The following BANK1 variants were observed in gnomAD, a reference collection of about 807,000 sequenced individuals.
The protein encoded by BANK1 is B cell scaffold protein with ankyrin repeats 1, also known as B-cell scaffold protein with ankyrin repeats.
BANK1 carries 95 observed loss-of-function variants against 94.5 expected under a neutral mutation model. The ratio of observed to expected loss-of-function variants is 1.00; its 90% CI spans 0.85 to 1.19. The LOEUF (loss-of-function observed/expected upper bound fraction) is 1.19, where lower values mean the gene tolerates loss of function less well. BANK1 is among the 50% of genes most tolerant of loss of function. The pLI is 0.00. For missense variants in BANK1, 987 were observed against 932.2 expected (o/e 1.06, Z -0.77); for synonymous variants, 334 against 308.4 (o/e 1.08, Z -0.87).
intron 7 of BANK1, among the ~76,000 whole-genome samples, chr4:101,977,966 TG>T (rs1390038709): frequency 2.0e-5 from 3 of 151,970 alleles, no homozygotes; most frequent in African/African-American, 4.8e-5. Flanking sequence ...TTTGTTTGTT[TG>T]TTTGTTTGTT....
intron 7 of BANK1, among the ~76,000 whole-genome samples, chr4:101,935,884 C>T (rs1303782878): frequency 6.6e-6 from 1 of 151,402 alleles, no homozygotes; most frequent in East Asian, 2.0e-4. Context: ...AAACTAGAAC[C>T]CTGTCTCTCA....
At chr4:102,066,360 T>C (rs372379645) in intron 13 of BANK1, among the ~76,000 whole-genome samples, 57 of 151,322 alleles carry the variant, frequency 3.8e-4, no homozygotes, top group African/African-American at 1.3e-3. Flanking sequence ...GGGATCACGC[T>C]ATTCTCCTGC....
chr4:101,940,555 T>G (rs769297392), intron 7 of BANK1, among the ~76,000 whole-genome samples: 4 of 151,792 alleles, frequency 2.6e-5, no homozygotes, highest in African/African-American at 4.8e-5. Context: ...TTTGTCATTA[T>G]CTCTTTACAC....
intron 13 of BANK1, among the ~76,000 whole-genome samples, chr4:102,070,860 G>A (rs1452753541): frequency 6.6e-6 from 1 of 152,120 alleles, no homozygotes; most frequent in East Asian, 1.9e-4. Context: ...TAATTAAGTT[G>A]GTGGGTACAT....
intron 1 of BANK1, among the ~76,000 whole-genome samples, chr4:101,796,800 A>G (rs1193039331): frequency 2.6e-5 from 4 of 152,142 alleles, no homozygotes; most frequent in Admixed American, 2.0e-4. Context: ...CAAGTTTTTA[A>G]TATACATTTC....
intron 1 of BANK1, among the ~76,000 whole-genome samples, chr4:101,804,527 A>G (rs1250043977): frequency 2.0e-5 from 3 of 152,150 alleles, no homozygotes; most frequent in Non-Finnish European, 4.4e-5. Flanking sequence ...AAGAAGAGAA[A>G]AGTCATGACA....
chr4:101,852,667 C>A (rs989721886), intron 2 of BANK1, among the ~76,000 whole-genome samples: 1 of 151,120 alleles, frequency 6.6e-6, no homozygotes, highest in African/African-American at 2.4e-5. Context: ...CTTCTTGCTG[C>A]CTGTTAAATA....
intron 4 of BANK1, among the ~76,000 whole-genome samples, chr4:101,868,122 G>A (rs564760304): frequency 1.3e-5 from 2 of 152,056 alleles, no homozygotes; most frequent in Admixed American, 1.3e-4. Context: ...TGAAAGGGTT[G>A]GAGCAAGGTA....
chr4:101,949,768 C>A (rs1560648264), intron 7 of BANK1, among the ~76,000 whole-genome samples: 1 of 152,058 alleles, frequency 6.6e-6, no homozygotes, highest in East Asian at 1.9e-4. Flanking sequence ...GATAAACGTA[C>A]AGGAAAATGT....
chr4:102,038,292 C>T (rs1230035499), intron 10 of BANK1, among the ~76,000 whole-genome samples: 1 of 152,134 alleles, frequency 6.6e-6, no homozygotes, highest in Admixed American at 6.5e-5. Context: ...AGGCAAGTTA[C>T]TTTTGATAAT....
chr4:101,832,283 T>A (rs1407734926), intron 2 of BANK1, among the ~76,000 whole-genome samples: 1 of 152,244 alleles, frequency 6.6e-6, no homozygotes, highest in Non-Finnish European at 1.5e-5. Flanking sequence ...TATTCTGGAT[T>A]ATTTTTCCCA....
At chr4:101,909,263 A>ATTC (rs1722574945) in intron 6 of BANK1, among the ~76,000 whole-genome samples, 1 of 152,142 alleles carries the variant, frequency 6.6e-6, no homozygotes, top group Admixed American at 6.5e-5. Flanking sequence ...GAAGCTGGAA[A>ATTC]CCATCATTCT....
intron 1 of BANK1, among the ~76,000 whole-genome samples, chr4:101,812,147 A>G (rs1286106906): frequency 6.6e-6 from 1 of 151,976 alleles, no homozygotes; most frequent in Non-Finnish European, 1.5e-5. Context: ...TGTGAGAACT[A>G]AAAAATGTTA....
At chr4:101,973,645 A>G (rs561538510) in intron 7 of BANK1, among the ~76,000 whole-genome samples, 34 of 152,208 alleles carry the variant, frequency 2.2e-4, no homozygotes, top group Admixed American at 1.8e-3. Context: ...CATTACTTTC[A>G]TAAGTTTTTG....
intron 7 of BANK1, among the ~76,000 whole-genome samples, chr4:101,993,258 A>G (rs1367495231): frequency 2.0e-5 from 3 of 152,214 alleles, no homozygotes; most frequent in Middle Eastern, 3.2e-3. Context: ...GGCCTAAAAC[A>G]GCTGGAAAAA....
At chr4:101,897,151 T>G (rs1722111862) in intron 6 of BANK1, among the ~76,000 whole-genome samples, 1 of 151,982 alleles carries the variant, frequency 6.6e-6, no homozygotes, top group African/African-American at 2.4e-5. Context: ...TTGAGTGATT[T>G]GATACTAGTC....
intron 1 of BANK1, among the ~76,000 whole-genome samples, chr4:101,798,664 G>C (rs1725245510): frequency 6.6e-6 from 1 of 152,166 alleles, no homozygotes; most frequent in Non-Finnish European, 1.5e-5. Flanking sequence ...TAACTGGTGT[G>C]AGATGGTATC....
At chr4:102,071,328 G>A (rs945847948) in intron 14 of BANK1, 24 bp downstream of exon 14, 1 of 1,609,914 alleles carries the variant, frequency 6.2e-7, no homozygotes, top group African/African-American at 1.3e-5. Context: ...ATTTATTGAA[G>A]GATCTAAGAC....
At chr4:102,023,547 A>G (rs1209042527) in intron 8 of BANK1, among the ~76,000 whole-genome samples, 1 of 152,178 alleles carries the variant, frequency 6.6e-6, no homozygotes, top group African/African-American at 2.4e-5. Context: ...ACTGGGCTCA[A>G]GCCAGTCTCT....
Sources: gnomAD v4.1 joint callset for allele counts (sites outside exome capture counted in the v4.1 genomes callset) on GRCh38, gnomAD v4.1.1 for gene constraint, MANE v1.5 for transcripts, NCBI Gene and HGNC (gene_info 2026-07-23, HGNC 2026-07-21) for gene names.